Variants in PCDHA2 observed in about 807,000 individuals in gnomAD.
The protein encoded by PCDHA2 is protocadherin alpha 2, also known as protocadherin alpha-2.
Under a neutral mutation model 66.0 loss-of-function variants are expected in PCDHA2, and 58 were observed. The observed-to-expected ratio is 0.88, with a 90% confidence interval of 0.71 to 1.09. The LOEUF (loss-of-function observed/expected upper bound fraction) is 1.09, where lower values mean the gene tolerates loss of function less well. Among genes scored for constraint, PCDHA2 ranks in the 50% least tolerant of loss-of-function variants. The probability of loss-of-function intolerance (pLI) is 0.00; values close to 1 mark genes in which losing one functional copy is unlikely to be tolerated. For synonymous variants in PCDHA2, 634 were observed against 554.0 expected, an observed-to-expected ratio of 1.14 and a Z score of -2.03; for missense variants, 1,267 against 1,242.3, an observed-to-expected ratio of 1.02 and a Z score of -0.30.
At chr5:140,828,266 C>G (rs1769658438) in intron 1 of PCDHA2, 1 of 1,614,048 alleles carries the variant, frequency 6.2e-7, no homozygotes, top group African/African-American at 1.3e-5. Context: ...GCTGGCGGAG[C>G]TGGTGCCGCG....
intron 1 of PCDHA2, chr5:140,829,262 C>T (rs1770191839): frequency 6.2e-7 from 1 of 1,614,142 alleles, no homozygotes; most frequent in Non-Finnish European, 8.5e-7. Context: ...CTCGCTGACG[C>T]CTCACGTCCC....
In PCDHA2 at chr5:140,803,141, G is replaced by T. The variant is rs782312882; in HGVS notation, c.2388+5789G>T. 2.5e-6 allele frequency: 4 copies of T among 1,613,754 alleles called. No homozygotes were observed. In the African/African-American group the frequency reaches 5.3e-5, roughly 22 times the overall value. On this transcript the variant is annotated intron_variant, in intron 1 of 3. Transcript: ENST00000526136. ...TGGACGCCCCGCGCCATCGCCTACT[G>T]GTGCTGGTGAAGGACCACGGTGAAC... is the stretch of plus-strand genomic sequence containing the variant.
chr5:140,972,411 G>A (rs1258321444), intron 1 of PCDHA2, among the ~76,000 whole-genome samples: 1 of 151,680 alleles, frequency 6.6e-6, no homozygotes, highest in Non-Finnish European at 1.5e-5. Flanking sequence ...GGCAAACCCT[G>A]TTAAGATCTT....
intron 1 of PCDHA2, chr5:140,869,690 T>A (rs902099652): frequency 6.2e-7 from 1 of 1,613,456 alleles, no homozygotes. Context: ...TCACTTATTT[T>A]AAAGAAGTCT....
At chr5:140,967,239 G>C in intron 1 of PCDHA2, 1 of 1,613,672 alleles carries the variant, frequency 6.2e-7, no homozygotes, top group Non-Finnish European at 8.5e-7. Flanking sequence ...CTTCAGGTAA[G>C]CGAATCGGTG....
chr5:140,808,283 G>C (rs367717209), intron 1 of PCDHA2: 1 of 1,614,216 alleles, frequency 6.2e-7, no homozygotes, highest in African/African-American at 1.3e-5. Context: ...CGCTCCACTG[G>C]GTACAGTCAT....
intron 1 of PCDHA2, chr5:140,814,771 T>C (rs2126658465): frequency 6.6e-6 from 1 of 152,344 alleles, no homozygotes; most frequent in East Asian, 1.9e-4. Context: ...ATGTGGTCTG[T>C]TATTGGTTGA....
chr5:141,000,381 CTCTCTCTCTCTCTCTATATA>C (rs2097908619), intron 3 of PCDHA2, among the ~76,000 whole-genome samples: 2 of 61,370 alleles, frequency 3.3e-5, no homozygotes, highest in African/African-American at 7.4e-5. Context: ...CTCTCTCTCT[CTCTCTCTCTCTCTCTATATA>C]TATATATATA....
intron 1 of PCDHA2, chr5:140,807,982 C>G: frequency 1.2e-6 from 2 of 1,613,432 alleles, no homozygotes; most frequent in Non-Finnish European, 1.7e-6. Context: ...TTAAACTTAA[C>G]GCCTCAGATT....
chr5:140,814,837 G>A (rs1178502842), intron 1 of PCDHA2: 1 of 152,114 alleles, frequency 6.6e-6, no homozygotes, highest in Non-Finnish European at 1.5e-5. Context: ...CTCCATTTCT[G>A]TGAATGTTTG....
At chr5:140,880,857 A>G (rs1296520788) in intron 1 of PCDHA2, among the ~76,000 whole-genome samples, 1 of 152,234 alleles carries the variant, frequency 6.6e-6, no homozygotes, top group African/African-American at 2.4e-5. Flanking sequence ...ATGTAGTCTA[A>G]TTATGTGAAG....
intron 1 of PCDHA2, chr5:140,809,750 C>A: frequency 1.5e-6 from 1 of 651,012 alleles, no homozygotes; most frequent in East Asian, 2.9e-5. Context: ...TATTGCCTTC[C>A]TTCATTTTAT....
At position 140,909,749 on chromosome 5, in the gene PCDHA2, C is replaced by G. The variant is rs141984152; in HGVS notation, c.2389-69200C>G. On this transcript the variant is annotated intron_variant, in intron 1 of 3. Coordinates refer to ENST00000526136, the MANE Select transcript of PCDHA2 (RefSeq NM_018905.3). ...ATGCATTCTGGCACTGGGGAAATGA[C>G]CACAGGATGAGTCCAGGGACCCACT... 2.0e-3 allele frequency among the ~76,000 whole-genome samples: 298 copies of G among 152,232 alleles called. 1 individual carries two copies. Among genetic ancestry groups the G allele is most frequent in the African/African-American group, 6.9e-3 (285 of 41,526 alleles).
rs1554177749 is a variant in PCDHA2 at position 140,883,345 on chromosome 5, C to T, written c.2388+85993C>T. The T allele has an allele frequency of 1.9e-6, 3 of 1,614,050 alleles. No homozygotes were observed. In the African/African-American group the frequency reaches 4.0e-5, roughly 22 times the overall value. On this transcript the variant is annotated intron_variant, in intron 1 of 3. Transcript: ENST00000526136. ...CCATCACTTCTTTGTCACTCCCCAT[C>T]AGAGAAGACACTCAGCCTAGCGCCA...
rs2080357826 is a variant in PCDHA2 at position 140,921,739 on chromosome 5, G to T, written c.2389-57210G>T. The stretch of plus-strand genomic sequence containing the variant: ...CGAATTACTCCCATAAAAATTATAA[G>T]CATAACAGGACACTTCTTGGCTACT... On this transcript the variant is annotated intron_variant, in intron 1 of 3. Transcript: ENST00000526136. Among the ~76,000 whole-genome samples, 7 of 152,134 alleles carry T rather than the reference G, an allele frequency of 4.6e-5. No individual in the cohort carries two copies. In the South Asian group the frequency reaches 1.5e-3, roughly 32 times the overall value.
intron 1 of PCDHA2, chr5:140,928,706 A>T: frequency 6.2e-7 from 1 of 1,613,858 alleles, no homozygotes; most frequent in Non-Finnish European, 8.5e-7. Flanking sequence ...CGGGCGTCTG[A>T]CTCTAGTCTC....
Position 140,807,933 on chromosome 5 carries a change from T to C in PCDHA2, c.2388+10581T>C, listed in dbSNP as rs782209478. ...GCTTTTGACAGAACCATTTATAAGG[T>C]GAGATTACTAGAAAATGTTCCTAAT... On this transcript the variant is annotated intron_variant, in intron 1 of 3. Transcript: ENST00000526136. The C allele has an allele frequency of 5.0e-6, 8 of 1,613,928 alleles. No individual in the cohort carries two copies. Among genetic ancestry groups the C allele is most frequent in the Non-Finnish European group, 6.8e-6 (8 of 1,179,976 alleles).
At chr5:141,003,158 A>G (rs902811266) in intron 3 of PCDHA2, among the ~76,000 whole-genome samples, 4 of 152,222 alleles carry the variant, frequency 2.6e-5, no homozygotes, top group Non-Finnish European at 5.9e-5. Context: ...GACCTGATCA[A>G]TCCTAGTCCC....
chr5:140,822,880 G>A (rs1405488248), intron 1 of PCDHA2: 6 of 1,614,120 alleles, frequency 3.7e-6, no homozygotes, highest in Non-Finnish European at 5.1e-6. Context: ...CACGGTCATT[G>A]CTCTGATCAG....
Sources: gnomAD v4.1 joint callset for allele counts (sites outside exome capture counted in the v4.1 genomes callset) on GRCh38, gnomAD v4.1.1 for gene constraint, MANE v1.5 for transcripts, NCBI Gene and HGNC (gene_info 2026-07-23, HGNC 2026-07-21) for gene names.